Variants in ST6GAL1 observed in about 807,000 individuals in gnomAD.
ST6GAL1 encodes beta-galactoside alpha-2,6-sialyltransferase 1.
A neutral mutation model predicts 38.0 loss-of-function variants in ST6GAL1; 20 were observed. That is an observed-to-expected ratio of 0.53 (90% CI 0.37 to 0.77). The LOEUF is 0.77. Ranked by LOEUF, ST6GAL1 falls within the 30% of genes least tolerant of loss-of-function variation. ST6GAL1 has a pLI of 0.00. For missense variants in ST6GAL1, 432 were observed against 496.4 expected, an observed-to-expected ratio of 0.87 and a Z score of 1.23; for synonymous variants, 196 against 188.2, an observed-to-expected ratio of 1.04 and a Z score of -0.34.
Position 187,014,636 on chromosome 3 carries a change from A to G in ST6GAL1, c.-182-24106A>G, listed in dbSNP as rs552908557. Among the ~76,000 whole-genome samples, 45 of 152,230 alleles carry G rather than the reference A, an allele frequency of 3.0e-4. 1 individual carries two copies. The highest frequency in any genetic ancestry group is 8.3e-4 in the South Asian group (4 of 4,820). ...TTGGGACTGTTTTGAGGACTTGCTTATGGGTTGTGGGGAGGGAAGGGCACT... is the reference window on the plus strand; with the variant it reads ...TTGGGACTGTTTTGAGGACTTGCTTGTGGGTTGTGGGGAGGGAAGGGCACT... On this transcript the variant is annotated intron_variant, in intron 2 of 7. Coordinates refer to ENST00000169298, the MANE Select transcript of ST6GAL1 (RefSeq NM_173216.2).
At chr3:186,935,531 G>T (rs1713919796) in intron 1 of ST6GAL1, among the ~76,000 whole-genome samples, 1 of 152,166 alleles carries the variant, frequency 6.6e-6, no homozygotes. Context: ...TAATGGGATT[G>T]CTGGGTCAAT....
At chr3:187,024,506 A>C (rs1236468190) in intron 2 of ST6GAL1, among the ~76,000 whole-genome samples, 1 of 149,046 alleles carries the variant, frequency 6.7e-6, no homozygotes, top group Non-Finnish European at 1.5e-5. Flanking sequence ...AGAGAGAGAG[A>C]GAGAGAGAGA....
chr3:187,047,777 G>A (rs934652722), intron 4 of ST6GAL1, among the ~76,000 whole-genome samples: 2 of 151,986 alleles, frequency 1.3e-5, no homozygotes, highest in African/African-American at 4.8e-5. Flanking sequence ...ACCCAAGTCA[G>A]TTTAAAGTTT....
At chr3:187,058,343 A>G (rs74425612) in intron 5 of ST6GAL1, among the ~76,000 whole-genome samples, 8,248 of 152,252 alleles carry the variant, frequency 0.054, 245 homozygotes, top group Middle Eastern at 0.11. Flanking sequence ...CAGGTACGTC[A>G]GTTGGAAAAG....
Position 186,976,994 on chromosome 3 carries a change from G to T in ST6GAL1, c.-183+13068G>T, listed in dbSNP as rs200271219. Among the ~76,000 whole-genome samples, 52 of 152,286 alleles carry T rather than the reference G, an allele frequency of 3.4e-4. 1 individual carries two copies. Among genetic ancestry groups the T allele is most frequent in the African/African-American group, 1.2e-3 (51 of 41,580 alleles). ...CCAAGACCTTCTCCATTTGTGGCTT[G>T]CTTGCCAGAGGAGATCGGCTTGTTC... On this transcript the variant is annotated intron_variant, in intron 2 of 7. Transcript: ENST00000169298.
chr3:187,071,789 A>G (rs1395210183), intron 5 of ST6GAL1, among the ~76,000 whole-genome samples: 3 of 150,960 alleles, frequency 2.0e-5, no homozygotes, highest in African/African-American at 4.9e-5. Context: ...AAAAAAAAAA[A>G]AAAAAAGAAA....
chr3:187,065,364 T>C (rs1322954662), intron 5 of ST6GAL1, among the ~76,000 whole-genome samples: 1 of 152,154 alleles, frequency 6.6e-6, no homozygotes, highest in Admixed American at 6.5e-5. Flanking sequence ...TTGGCCATGA[T>C]GAAGGCATGC....
chr3:186,964,310 GCTCT>G (rs1172182438), intron 2 of ST6GAL1: 6 of 152,042 alleles, frequency 3.9e-5, no homozygotes, highest in Admixed American at 6.5e-5. Flanking sequence ...CGCGTGCCAC[GCTCT>G]CTCTCTTTCA....
chr3:187,001,170 A>G, intron 2 of ST6GAL1, among the ~76,000 whole-genome samples: 1 of 152,230 alleles, frequency 6.6e-6, no homozygotes. Context: ...GAAGCGAGGT[A>G]GAACTCAGTG....
At chr3:187,064,709 C>G in intron 5 of ST6GAL1, 1 of 444,754 alleles carries the variant, frequency 2.2e-6, no homozygotes. Flanking sequence ...CATGACAGCA[C>G]TTGTGGTGGT....
At chr3:186,937,027 A>G (rs1223075581) in intron 1 of ST6GAL1, among the ~76,000 whole-genome samples, 1 of 152,012 alleles carries the variant, frequency 6.6e-6, no homozygotes, top group Non-Finnish European at 1.5e-5. Context: ...AGAAACAGAA[A>G]AAAATTCCGC....
At chr3:186,930,883 A>C (rs1713716923) in intron 1 of ST6GAL1, 49 bp downstream of exon 1, 1 of 153,122 alleles carries the variant, frequency 6.5e-6, no homozygotes, top group African/African-American at 2.4e-5. Flanking sequence ...CTATCCCGGG[A>C]GGAGTGTGAT....
chr3:186,976,182 A>T (rs1018144110), intron 2 of ST6GAL1, among the ~76,000 whole-genome samples: 3 of 152,086 alleles, frequency 2.0e-5, no homozygotes, highest in African/African-American at 7.2e-5. Context: ...GTGAGGTGTG[A>T]CCTTGTGGGT....
chr3:187,041,949 C>T (rs1010751539), intron 3 of ST6GAL1: 29 of 152,164 alleles, frequency 1.9e-4, no homozygotes, highest in Admixed American at 1.9e-3. Flanking sequence ...ACCCAGAATT[C>T]CTAGCCTCTA....
Position 186,980,485 on chromosome 3 carries a change from C to T in ST6GAL1, c.-183+16559C>T, listed in dbSNP as rs527289806. Among the ~76,000 whole-genome samples the T allele has an allele frequency of 1.3e-4, 20 of 151,584 alleles. No individual in the cohort carries two copies. The South Asian group carries it at 3.4e-3, about 25-fold the overall frequency. Reference sequence around the variant, plus strand: ...ATTTTAAAGATAGAGGTCGGATGGGCGCGGTGGCTCACGCCTGTAATCCCA... The same window carrying T: ...ATTTTAAAGATAGAGGTCGGATGGGTGCGGTGGCTCACGCCTGTAATCCCA... On this transcript the variant is annotated intron_variant, in intron 2 of 7. Coordinates refer to ENST00000169298, the MANE Select transcript of ST6GAL1 (RefSeq NM_173216.2).
At chr3:186,955,649 C>T (rs1190589991) in intron 1 of ST6GAL1, among the ~76,000 whole-genome samples, 1 of 151,996 alleles carries the variant, frequency 6.6e-6, no homozygotes, top group Non-Finnish European at 1.5e-5. Flanking sequence ...ACTACAGGTG[C>T]GTGCCACCAT....
chr3:187,048,156 G>A (rs996461515), intron 4 of ST6GAL1, among the ~76,000 whole-genome samples: 1 of 152,056 alleles, frequency 6.6e-6, no homozygotes, highest in African/African-American at 2.4e-5. Context: ...TGTTAGCCAG[G>A]ATGGTCTCGA....
In ST6GAL1 at chr3:186,975,801, G is replaced by A. The variant is rs561000558; in HGVS notation, c.-183+11875G>A. On this transcript the variant is annotated intron_variant, in intron 2 of 7. Transcript: ENST00000169298. The stretch of plus-strand genomic sequence containing the variant: ...GCCAAACGCCACAGAAGTGAGTGAG[G>A]CTGGCACTGAAGGAGGTCTGGGGGA... Among the ~76,000 whole-genome samples, 16 of 152,352 alleles carry A rather than the reference G, an allele frequency of 1.1e-4. No individual in the cohort carries two copies. The South Asian group carries it at 2.7e-3, about 26-fold the overall frequency.
intron 5 of ST6GAL1, chr3:187,064,423 A>T (rs1719023975): frequency 3.0e-5 from 13 of 433,718 alleles, no homozygotes; most frequent in South Asian, 1.7e-4. Flanking sequence ...GTTGCGAAAT[A>T]GCTCCCGTGG....
Sources: gnomAD v4.1 joint callset for allele counts (sites outside exome capture counted in the v4.1 genomes callset) on GRCh38, gnomAD v4.1.1 for gene constraint, MANE v1.5 for transcripts, NCBI Gene and HGNC (gene_info 2026-07-23, HGNC 2026-07-21) for gene names.